FEZ2: variants seen among roughly 807,000 people sequenced by gnomAD.
The protein encoded by FEZ2 is fasciculation and elongation protein zeta 2.
FEZ2 carries 51 observed loss-of-function variants against 40.4 expected under a neutral mutation model. The observed-to-expected ratio is 1.26, with a 90% confidence interval of 1.01 to 1.59. FEZ2 has a LOEUF of 1.59. Ranked by LOEUF, FEZ2 falls within the 40% of genes most tolerant of loss-of-function variation. The pLI is 0.00. For synonymous variants in FEZ2, 242 were observed against 172.0 expected, an observed-to-expected ratio of 1.41 and a Z score of -3.18; for missense variants, 640 against 438.3, an observed-to-expected ratio of 1.46 and a Z score of -4.11.
chr2:36,559,895 T>C (rs1668048536), intron 5 of FEZ2, among the ~76,000 whole-genome samples: 1 of 152,204 alleles, frequency 6.6e-6, no homozygotes. Flanking sequence ...GAGCTGCAAA[T>C]GTCAGTGTGA....
chr2:36,591,113 G>C (rs1343237162), intron 1 of FEZ2, 102 bp from the exon 2 acceptor site: 2 of 723,166 alleles, frequency 2.8e-6, no homozygotes, highest in Non-Finnish European at 2.4e-6. Flanking sequence ...AAAGGAAACA[G>C]AGAAAAACAG....
chr2:36,573,350 C>T (rs1004979592), intron 5 of FEZ2, among the ~76,000 whole-genome samples: 1 of 152,192 alleles, frequency 6.6e-6, no homozygotes, highest in Admixed American at 6.5e-5. Flanking sequence ...TGAACAGCAA[C>T]TACTAAATTA....
intron 5 of FEZ2, among the ~76,000 whole-genome samples, chr2:36,559,457 A>G (rs1452916822): frequency 6.6e-6 from 1 of 152,208 alleles, no homozygotes; most frequent in Non-Finnish European, 1.5e-5. Context: ...GAGTGATCTT[A>G]TCCTGCCCAT....
chr2:36,587,251 G>C (rs912118791), intron 2 of FEZ2, among the ~76,000 whole-genome samples: 4 of 152,176 alleles, frequency 2.6e-5, no homozygotes, highest in African/African-American at 7.2e-5. Context: ...TCCAGAGAGA[G>C]AGCCAAGTCC....
intron 5 of FEZ2, among the ~76,000 whole-genome samples, chr2:36,567,024 G>A (rs1402337240): frequency 6.6e-6 from 1 of 152,186 alleles, no homozygotes; most frequent in Non-Finnish European, 1.5e-5. Flanking sequence ...ACAGCCAGAT[G>A]ATACATTCAG....
At chr2:36,589,007 T>C (rs1339579471) in intron 2 of FEZ2, among the ~76,000 whole-genome samples, 2 of 152,234 alleles carry the variant, frequency 1.3e-5, no homozygotes, top group African/African-American at 4.8e-5. Flanking sequence ...CTGCATTATT[T>C]TAAATAACAT....
At chr2:36,583,310 C>T in intron 3 of FEZ2, 43 bp downstream of exon 3, 1 of 1,031,782 alleles carries the variant, frequency 9.7e-7, no homozygotes, top group Non-Finnish European at 1.5e-6. Context: ...TTTTTCAGCT[C>T]TAGAGTCTCC....
Position 36,558,478 on chromosome 2 carries a change from GT to G in FEZ2, c.938del (p.Asn313ThrfsTer12), listed in dbSNP as rs759258050. On this transcript the variant is annotated frameshift_variant, in exon 6 of 8. Transcript: ENST00000405912. LOFTEE classifies it high-confidence loss of function. ...GAAGATCTTCAACAGACGGTGGTCC[GT>G]TTTTTTTCTCATAAGGAATGACTGT... is the stretch of plus-strand genomic sequence containing the variant. ...LTTVIPYEKK[N>X]GPPSVEDLQI... is the part of the protein sequence containing the mutation. 6.6e-6 allele frequency: 10 copies of G among 1,517,658 alleles called. No homozygotes were observed. Among genetic ancestry groups the G allele is most frequent in the Admixed American group, 4.2e-5 (2 of 47,826 alleles). 94.0% of individuals were successfully genotyped at this position (1,517,658 alleles called of 1,614,324 possible). A position where few individuals can be genotyped will look rare whatever the true frequency, so the allele number is the denominator to read the frequency against.
intron 5 of FEZ2, among the ~76,000 whole-genome samples, chr2:36,565,081 G>C (rs1000705232): frequency 6.6e-6 from 1 of 152,146 alleles, no homozygotes; most frequent in Non-Finnish European, 1.5e-5. Flanking sequence ...GTTTGCCCTC[G>C]TCAACAATCA....
intron 7 of FEZ2, among the ~76,000 whole-genome samples, chr2:36,553,560 C>A (rs572683912): frequency 6.6e-6 from 1 of 152,144 alleles, no homozygotes; most frequent in African/African-American, 2.4e-5. Context: ...GCAGCAGCCA[C>A]GCGTACATTA....
At chr2:36,576,416 T>C (rs1396971397) in intron 5 of FEZ2, among the ~76,000 whole-genome samples, 1 of 152,110 alleles carries the variant, frequency 6.6e-6, no homozygotes, top group African/African-American at 2.4e-5. Flanking sequence ...ATTACAGGCA[T>C]GCGCCACCAC....
intron 5 of FEZ2, among the ~76,000 whole-genome samples, chr2:36,574,084 C>T (rs1668495204): frequency 6.6e-6 from 1 of 152,148 alleles, no homozygotes; most frequent in Admixed American, 6.5e-5. Flanking sequence ...CAGACTCCTA[C>T]AAGATATCCA....
Position 36,598,039 on chromosome 2 carries a change from TCCGCCC to T in FEZ2, c.98_103del (p.Gly33_Ala34del). Reference sequence around the variant, plus strand: ...GCCCCCACCCGCCTCGGCCCCCGCCTCCGCCCCAGGCTCGGGGCTCGCGTTACAGTT... The same window carrying T: ...GCCCCCACCCGCCTCGGCCCCCGCCTCAGGCTCGGGGCTCGCGTTACAGTT... On this transcript the variant is annotated inframe_deletion, in exon 1 of 8. Coordinates refer to ENST00000405912, the MANE Select transcript of FEZ2 (RefSeq NM_005102.3). 1 of 1,139,696 alleles carries T rather than the reference TCCGCCC, an allele frequency of 8.8e-7. No homozygotes were observed. The highest frequency in any genetic ancestry group is 1.2e-6 in the Non-Finnish European group (1 of 864,848). 70.6% of individuals were successfully genotyped at this position (1,139,696 alleles called of 1,614,324 possible).
Position 36,568,307 on chromosome 2 carries a change from G to C in FEZ2, c.904-9794C>G, listed in dbSNP as rs1668305887. Among the ~76,000 whole-genome samples the C allele has an allele frequency of 1.3e-5, 2 of 152,142 alleles. 1 individual carries two copies. The highest frequency in any genetic ancestry group is 4.1e-4 in the South Asian group (2 of 4,828). On this transcript the variant is annotated intron_variant, in intron 5 of 7. Transcript: ENST00000405912. ...AGAACTAAGTCTCAGGGTTATGAAT[G>C]CTGAATGAAATGAAGGACATTAAAG...
chr2:36,579,554 C>G (rs1044461110), intron 4 of FEZ2, among the ~76,000 whole-genome samples: 3 of 152,078 alleles, frequency 2.0e-5, no homozygotes, highest in Admixed American at 6.5e-5. Flanking sequence ...GCACTCCCCC[C>G]AGCCCCCTTC....
chr2:36,593,184 G>T lies in FEZ2; in HGVS notation c.267-2173C>A, dbSNP rs1245472379. Among the ~76,000 whole-genome samples the T allele has an allele frequency of 2.6e-5, 4 of 152,216 alleles. No individual in the cohort carries two copies. The East Asian group carries it at 7.7e-4, about 29-fold the overall frequency. On this transcript the variant is annotated intron_variant, in intron 1 of 7. Coordinates refer to ENST00000405912, the MANE Select transcript of FEZ2 (RefSeq NM_005102.3). ...TGGACTTACAGTTCCACATGGCTGA[G>T]GAGGCCTCAGAATCATGGTGGGAGA...
In FEZ2 at chr2:36,598,131, G is replaced by C. The variant is rs865891568; in HGVS notation, c.12C>G (p.Asp4Glu). The C allele has an allele frequency of 2.5e-5, 37 of 1,472,922 alleles. No homozygotes were observed. The highest frequency in any genetic ancestry group is 3.3e-5 in the Non-Finnish European group (37 of 1,121,402). 91.2% of individuals were successfully genotyped at this position (1,472,922 alleles called of 1,614,324 possible). A position where few individuals can be genotyped will look rare whatever the true frequency, so the allele number is the denominator to read the frequency against. MAA[D>E]GDWQDFYEFQ... ...ACTCATAGAAATCCTGCCAGTCCCC[G>C]TCCGCCGCCATCGCCGCCCGGAGCA... is the stretch of plus-strand genomic sequence containing the variant. The change falls in exon 1 of 8, where the codon GAC becomes GAG. Residue 4 changes from aspartate (D) to glutamate (E), a missense_variant. Transcript: ENST00000405912.
intron 1 of FEZ2, among the ~76,000 whole-genome samples, chr2:36,592,304 G>C (rs189382126): frequency 3.2e-4 from 48 of 152,100 alleles, no homozygotes; most frequent in South Asian, 1.0e-3. Flanking sequence ...GGGGTACATG[G>C]GCAGGATGTG....
chr2:36,577,973 A>C (rs996497820), intron 5 of FEZ2, among the ~76,000 whole-genome samples: 10 of 152,248 alleles, frequency 6.6e-5, no homozygotes, highest in African/African-American at 2.4e-4. Context: ...GGAATACACA[A>C]GACTTCAACA....
Sources: allele counts gnomAD v4.1 joint callset (sites outside exome capture counted in the v4.1 genomes callset), GRCh38; gene constraint gnomAD v4.1.1; transcripts MANE v1.5; gene names NCBI Gene and HGNC (gene_info 2026-07-23, HGNC 2026-07-21).